EXOC1L: variants seen among roughly 807,000 people sequenced by gnomAD.
The protein encoded by EXOC1L is exocyst complex component 1-like.
A neutral mutation model predicts 4.9 loss-of-function variants in EXOC1L; 10 were observed. The observed-to-expected ratio is 2.02, with a 90% CI of 1.25 to 3.43. The LOEUF (loss-of-function observed/expected upper bound fraction) is 3.43, where lower values mean the gene tolerates loss of function less well. EXOC1L is among the 30% of genes most tolerant of loss of function. The pLI is 0.00. For synonymous variants in EXOC1L, 41 were observed against 20.8 expected, an observed-to-expected ratio of 1.97 and a Z score of -2.63; for missense variants, 114 against 59.4, an observed-to-expected ratio of 1.92 and a Z score of -3.02.
chr4:55,837,073 A>T lies in EXOC1L; in HGVS notation c.253-12A>T. The T allele has an allele frequency of 1.5e-6, 1 of 678,920 alleles. No individual in the cohort carries two copies. The highest frequency in any genetic ancestry group is 2.7e-6 in the Non-Finnish European group (1 of 370,376). The allele number at this position is 678,920 out of a possible 1,614,324, so 42.1% of individuals were successfully genotyped here. A position where few individuals can be genotyped will look rare whatever the true frequency, so the allele number is the denominator to read the frequency against. On this transcript the variant is annotated splice_polypyrimidine_tract_variant and intron_variant, in intron 2 of 2. Coordinates refer to ENST00000636125, the MANE Select transcript of EXOC1L (RefSeq NM_001351574.3). ...GGCTACCAACTAAATCATGTCTCTC[A>T]TTCTCTTCCAGGACAATCCATTTTT...
At chr4:55,833,463 T>G (rs576428748) in intron 2 of EXOC1L, among the ~76,000 whole-genome samples, 36 of 151,906 alleles carry the variant, frequency 2.4e-4, no homozygotes, top group Non-Finnish European at 2.2e-4. Context: ...ACAAATTTTT[T>G]AATTATTATT....
chr4:55,830,046 G>A (rs1312392640), intron 1 of EXOC1L, among the ~76,000 whole-genome samples: 1 of 152,068 alleles, frequency 6.6e-6, no homozygotes, highest in Non-Finnish European at 1.5e-5. Context: ...TCTGCAGTAT[G>A]ACCCCTGTCT....
intron 2 of EXOC1L, among the ~76,000 whole-genome samples, chr4:55,835,478 G>A (rs1720136261): frequency 6.6e-6 from 1 of 151,944 alleles, no homozygotes; most frequent in Non-Finnish European, 1.5e-5. Flanking sequence ...CACCAGCAGT[G>A]TAAAAGTGTT....
intron 2 of EXOC1L, among the ~76,000 whole-genome samples, chr4:55,835,563 G>A (rs1409984999): frequency 6.6e-6 from 1 of 151,776 alleles, no homozygotes; most frequent in Non-Finnish European, 1.5e-5. Context: ...CAGGAGTAAG[G>A]TGGTATTGCA....
chr4:55,835,090 AT>A (rs1257303927), intron 2 of EXOC1L, among the ~76,000 whole-genome samples: 4 of 151,898 alleles, frequency 2.6e-5, no homozygotes, highest in South Asian at 4.2e-4. Flanking sequence ...TTGGTTTTCC[AT>A]TCCTGAGTTA....
intron 2 of EXOC1L, among the ~76,000 whole-genome samples, chr4:55,834,637 G>T (rs1224649179): frequency 6.6e-6 from 1 of 151,788 alleles, no homozygotes; most frequent in Non-Finnish European, 1.5e-5. Context: ...AGCATGATTG[G>T]TATCTGGTGA....
intron 1 of EXOC1L, among the ~76,000 whole-genome samples, chr4:55,825,601 T>C (rs1252523637): frequency 6.6e-6 from 1 of 152,064 alleles, no homozygotes; most frequent in Non-Finnish European, 1.5e-5. Flanking sequence ...GGATGTCCCT[T>C]CTCTCTTGGT....
chr4:55,821,082 T>C (rs1166886994), intron 1 of EXOC1L, among the ~76,000 whole-genome samples: 1 of 152,202 alleles, frequency 6.6e-6, no homozygotes, highest in Admixed American at 6.5e-5. Context: ...ATTCCCTTTC[T>C]GGTAATTGAC....
intron 2 of EXOC1L, among the ~76,000 whole-genome samples, chr4:55,834,615 A>T (rs1327408427): frequency 6.6e-6 from 1 of 151,840 alleles, no homozygotes; most frequent in Non-Finnish European, 1.5e-5. Context: ...TGCAAGAGAA[A>T]ACTCCCTAAG....
chr4:55,829,445 A>G (rs1274205881), intron 1 of EXOC1L, among the ~76,000 whole-genome samples: 1 of 152,154 alleles, frequency 6.6e-6, no homozygotes, highest in East Asian at 1.9e-4. Context: ...ATTAAGCTGC[A>G]TTGCATTTTC....
At chr4:55,822,882 T>A (rs1211434484) in intron 1 of EXOC1L, among the ~76,000 whole-genome samples, 1 of 151,950 alleles carries the variant, frequency 6.6e-6, no homozygotes. Context: ...TTTTCAGATA[T>A]ACAGAAAAAA....
At chr4:55,834,716 G>T (rs781030794) in intron 2 of EXOC1L, among the ~76,000 whole-genome samples, 1 of 150,442 alleles carries the variant, frequency 6.6e-6, no homozygotes, top group African/African-American at 2.4e-5. Flanking sequence ...AGTTATGAGC[G>T]CCAGAAAAAA....
chr4:55,831,994 A>G (rs1320119866), intron 2 of EXOC1L, among the ~76,000 whole-genome samples: 3 of 152,118 alleles, frequency 2.0e-5, no homozygotes, highest in African/African-American at 7.2e-5. Context: ...TTGATGGAGA[A>G]CCCTTCCCCC....
intron 2 of EXOC1L, 22 bp from the exon 3 acceptor site, chr4:55,837,063 C>A: frequency 1.5e-6 from 1 of 663,704 alleles, no homozygotes; most frequent in Non-Finnish European, 2.8e-6. Context: ...CCAACTAAAT[C>A]ATGTCTCTCA....
At chr4:55,827,089 C>G (rs1023441397) in intron 1 of EXOC1L, among the ~76,000 whole-genome samples, 4 of 152,196 alleles carry the variant, frequency 2.6e-5, no homozygotes, top group African/African-American at 9.7e-5. Context: ...CAACTTCTCT[C>G]TCTTATACAG....
chr4:55,829,534 T>C (rs1399670762), intron 1 of EXOC1L, among the ~76,000 whole-genome samples: 2 of 152,214 alleles, frequency 1.3e-5, no homozygotes, highest in Non-Finnish European at 2.9e-5. Flanking sequence ...TCTTCTTTAA[T>C]AGAGTACCAT....
chr4:55,828,248 G>GAGTC (rs1393976210), intron 1 of EXOC1L, among the ~76,000 whole-genome samples: 7 of 152,238 alleles, frequency 4.6e-5, no homozygotes, highest in African/African-American at 1.7e-4. Context: ...GTGCATGAAG[G>GAGTC]AGTCCTCTGC....
chr4:55,831,466 T>A lies in EXOC1L; in HGVS notation c.252+2T>A, dbSNP rs1200532326. 4.4e-6 allele frequency: 3 copies of A among 682,276 alleles called. No individual in the cohort carries two copies. The South Asian group carries it at 4.8e-5, about 11-fold the overall frequency. The allele number at this position is 682,276 out of a possible 1,614,324, so 42.3% of individuals were successfully genotyped here. ...ATTGATGGAAAAGAAGCAGATACTG[T>A]AAGTGTTACATTTTATAAGGAGATG... On this transcript the variant is annotated splice_donor_variant, in intron 2 of 2. Transcript: ENST00000636125. LOFTEE classifies it high-confidence loss of function.
At chr4:55,823,371 C>A (rs1296118996) in intron 1 of EXOC1L, among the ~76,000 whole-genome samples, 8 of 152,158 alleles carry the variant, frequency 5.3e-5, no homozygotes, top group African/African-American at 2.4e-5. Flanking sequence ...AATATCTTAA[C>A]AACAGAGAGC....
Sources: gnomAD v4.1 joint callset for allele counts (sites outside exome capture counted in the v4.1 genomes callset) on GRCh38, gnomAD v4.1.1 for gene constraint, MANE v1.5 for transcripts, NCBI Gene and HGNC (gene_info 2026-07-23, HGNC 2026-07-21) for gene names.